The following NTRK3 variants were observed in gnomAD, a reference collection of about 807,000 sequenced individuals.
NTRK3 encodes the protein neurotrophic receptor tyrosine kinase 3.
In NTRK3, 24 loss-of-function variants were observed where a neutral mutation model predicts 91.7. That is an observed-to-expected ratio of 0.26 (90% confidence interval 0.19 to 0.37). The LOEUF is 0.37. Among genes scored for constraint, NTRK3 ranks in the 10% least tolerant of loss-of-function variants. The pLI is 1.00. For synonymous variants in NTRK3, 483 were observed against 404.0 expected (o/e 1.20, Z -2.34); for missense variants, 880 against 1,068.9 (o/e 0.82, Z 2.46).
intron 3 of NTRK3, among the ~76,000 whole-genome samples, chr15:88,204,161 C>G (rs183781727): frequency 6.6e-6 from 1 of 152,228 alleles, no homozygotes; most frequent in East Asian, 1.9e-4. Flanking sequence ...GTTAGTCAAG[C>G]AAAGGTAATT....
chr15:87,897,735 T>G (rs751630407), intron 17 of NTRK3, among the ~76,000 whole-genome samples: 7 of 152,186 alleles, frequency 4.6e-5, no homozygotes, highest in Non-Finnish European at 7.3e-5. Flanking sequence ...TCAGACTTAT[T>G]TAGCCAAAAT....
intron 14 of NTRK3, among the ~76,000 whole-genome samples, chr15:87,945,816 A>AC (rs1567137806): frequency 1.4e-5 from 2 of 142,968 alleles, no homozygotes; most frequent in South Asian, 2.2e-4. Context: ...AAAAAAAAAA[A>AC]AAAAAAAAAA....
intron 6 of NTRK3, 83 bp from the exon 7 acceptor site, chr15:88,137,644 C>A (rs1597524821): frequency 2.8e-6 from 4 of 1,440,842 alleles, no homozygotes; most frequent in Non-Finnish European, 3.8e-6. Context: ...ACAAGGGGGA[C>A]CCGACCTGTT....
chr15:88,093,818 G>A (rs146513277), intron 13 of NTRK3, among the ~76,000 whole-genome samples: 15 of 151,560 alleles, frequency 9.9e-5, no homozygotes, highest in Admixed American at 5.2e-4. Context: ...GGCCTCAAGC[G>A]GGGGGGTTGC....
exon 19 of NTRK3, chr15:87,868,121 G>A (rs1469536264): frequency 4.3e-6 from 1 of 231,672 alleles, no homozygotes; most frequent in African/African-American, 2.2e-5. Context: ...CACAAATGGG[G>A]CATATGGATT....
chr15:87,981,385 G>A (rs2141371552), intron 14 of NTRK3: 5 of 1,613,904 alleles, frequency 3.1e-6, no homozygotes, highest in Non-Finnish European at 4.2e-6. Flanking sequence ...AGACATGGGG[G>A]AATTAATGGT....
intron 14 of NTRK3, among the ~76,000 whole-genome samples, chr15:87,986,739 T>C (rs1256366585): frequency 1.3e-5 from 2 of 152,252 alleles, no homozygotes; most frequent in Non-Finnish European, 2.9e-5. Flanking sequence ...TCAATATTAT[T>C]ACACACATAT....
At chr15:87,881,904 C>CT (rs1372370774) in intron 17 of NTRK3, among the ~76,000 whole-genome samples, 2 of 151,500 alleles carry the variant, frequency 1.3e-5, no homozygotes, top group South Asian at 2.1e-4. Context: ...TCTTTTCTTT[C>CT]TTTTTTCTGA....
chr15:88,000,960 T>G (rs2076057316), intron 14 of NTRK3, among the ~76,000 whole-genome samples: 1 of 152,188 alleles, frequency 6.6e-6, no homozygotes. Flanking sequence ...CATTTTATAT[T>G]ACCAACATTA....
intron 13 of NTRK3, among the ~76,000 whole-genome samples, chr15:88,084,006 T>C (rs1472683838): frequency 6.6e-6 from 1 of 152,016 alleles, no homozygotes; most frequent in Non-Finnish European, 1.5e-5. Context: ...GCAAGGAAAA[T>C]TTAATCCATA....
chr15:88,050,373 C>G (rs1451688240), intron 13 of NTRK3, among the ~76,000 whole-genome samples: 1 of 152,126 alleles, frequency 6.6e-6, no homozygotes, highest in Non-Finnish European at 1.5e-5. Context: ...AGGTACCATT[C>G]CCATCTTGGC....
At chr15:88,110,647 T>C (rs1302172881) in intron 13 of NTRK3, among the ~76,000 whole-genome samples, 4 of 152,172 alleles carry the variant, frequency 2.6e-5, no homozygotes, top group South Asian at 2.1e-4. Flanking sequence ...AATCAAATGT[T>C]CCTGTCAATA....
intron 14 of NTRK3, among the ~76,000 whole-genome samples, chr15:87,966,522 A>G (rs1445727119): frequency 6.6e-6 from 1 of 152,130 alleles, no homozygotes; most frequent in Non-Finnish European, 1.5e-5. Flanking sequence ...CTGAGCCTGC[A>G]ACTCCATCTT....
At chr15:87,978,831 C>G in intron 14 of NTRK3, 1 of 239,950 alleles carries the variant, frequency 4.2e-6, no homozygotes, top group Non-Finnish European at 8.2e-6. Flanking sequence ...CCGTCTCCAC[C>G]TCTGCTTAGG....
At chr15:88,161,388 G>T (rs191014110) in intron 5 of NTRK3, among the ~76,000 whole-genome samples, 16 of 152,282 alleles carry the variant, frequency 1.1e-4, no homozygotes, top group African/African-American at 3.9e-4. Flanking sequence ...ATTAGCAGGA[G>T]GGGCTACGTT....
chr15:88,010,437 G>A lies in NTRK3; in HGVS notation c.1585+22420C>T, dbSNP rs564196075. On this transcript the variant is annotated intron_variant, in intron 14 of 18. Transcript: ENST00000394480. Reference sequence around the variant, plus strand: ...TGATTTAAGATATGAGTATCCTGGGGAAAGGAGAACAATTTATGTAAAATA... The same window carrying A: ...TGATTTAAGATATGAGTATCCTGGGAAAAGGAGAACAATTTATGTAAAATA... 1.3e-4 allele frequency among the ~76,000 whole-genome samples: 20 copies of A among 152,210 alleles called. No individual in the cohort carries two copies. The South Asian group carries it at 4.2e-3, about 32-fold the overall frequency.
At chr15:87,897,266 C>T (rs1373492677) in intron 17 of NTRK3, among the ~76,000 whole-genome samples, 3 of 152,166 alleles carry the variant, frequency 2.0e-5, no homozygotes, top group South Asian at 2.1e-4. Flanking sequence ...GGAACACATG[C>T]CTTTTATAAC....
chr15:87,900,549 G>C (rs1173991847), intron 17 of NTRK3, among the ~76,000 whole-genome samples: 2 of 152,342 alleles, frequency 1.3e-5, no homozygotes, highest in East Asian at 3.9e-4. Context: ...TTGGACCAGA[G>C]TTTTGCTAAG....
chr15:88,056,684 G>C (rs933933601), intron 13 of NTRK3, among the ~76,000 whole-genome samples: 3 of 152,194 alleles, frequency 2.0e-5, no homozygotes, highest in Admixed American at 2.0e-4. Flanking sequence ...GTTCCGCATG[G>C]TCTGAGAATC....
Sources: gnomAD v4.1 joint callset for allele counts (sites outside exome capture counted in the v4.1 genomes callset) on GRCh38, gnomAD v4.1.1 for gene constraint, MANE v1.5 for transcripts, NCBI Gene and HGNC (gene_info 2026-07-23, HGNC 2026-07-21) for gene names.